Variants in PDLIM4 observed in about 807,000 individuals in gnomAD.
The protein encoded by PDLIM4 is PDZ and LIM domain protein 4.
Under a neutral mutation model 31.3 loss-of-function variants are expected in PDLIM4, and 19 were observed. The observed-to-expected ratio is 0.61, with a 90% confidence interval of 0.42 to 0.89. PDLIM4 has a LOEUF of 0.89. Ranked by LOEUF, PDLIM4 falls within the 40% of genes least tolerant of loss-of-function variation. PDLIM4 has a pLI of 0.00. For synonymous variants in PDLIM4, 176 were observed against 190.1 expected (o/e 0.93, Z 0.61); for missense variants, 442 against 461.1 (o/e 0.96, Z 0.38).
intron 1 of PDLIM4, among the ~76,000 whole-genome samples, chr5:132,260,161 G>A (rs2126670380): frequency 6.6e-6 from 1 of 152,308 alleles, no homozygotes; most frequent in South Asian, 2.1e-4. Flanking sequence ...AGGACAATGT[G>A]GCACCTGGTT....
chr5:132,263,437 G>A (rs1756419245), intron 2 of PDLIM4, among the ~76,000 whole-genome samples: 1 of 151,946 alleles, frequency 6.6e-6, no homozygotes, highest in Non-Finnish European at 1.5e-5. Flanking sequence ...AGCCAATCAA[G>A]AAGGGGAGGA....
At chr5:132,270,886 T>C in intron 3 of PDLIM4, 29 bp from the exon 4 acceptor site, 8 of 1,606,778 alleles carry the variant, frequency 5.0e-6, no homozygotes, top group Non-Finnish European at 6.8e-6. Flanking sequence ...CCAGAGGGTC[T>C]CCCAGTGCCT....
At chr5:132,267,141 T>C (rs1756508903) in intron 3 of PDLIM4, among the ~76,000 whole-genome samples, 1 of 152,166 alleles carries the variant, frequency 6.6e-6, no homozygotes, top group Admixed American at 6.5e-5. Context: ...TGCCATGGCA[T>C]AAGGAGTAGC....
Position 132,257,871 on chromosome 5 carries a change from A to G in PDLIM4, c.93+44A>G. On this transcript the variant is annotated intron_variant, in intron 1 of 6. Coordinates refer to ENST00000253754, the MANE Select transcript of PDLIM4 (RefSeq NM_003687.4). The surrounding 1 kb of genome is among the most constrained non-coding windows in gnomAD (Gnocchi z 4.3). ...TGGCGGCAGGGCGGTCCCATGTCTG[A>G]GACCGGGTTCTCGCGGTCCGCCCGG... The G allele has an allele frequency of 1.7e-6, 2 of 1,167,738 alleles. No homozygotes were observed. Among genetic ancestry groups the G allele is most frequent in the Non-Finnish European group, 2.3e-6 (2 of 860,848 alleles). The allele number at this position is 1,167,738 out of a possible 1,614,324, so 72.3% of individuals were successfully genotyped here. A position where few individuals can be genotyped will look rare whatever the true frequency, so the allele number is the denominator to read the frequency against.
chr5:132,269,380 C>T (rs1429585416), intron 3 of PDLIM4, among the ~76,000 whole-genome samples: 1 of 151,510 alleles, frequency 6.6e-6, no homozygotes, highest in Admixed American at 6.6e-5. Context: ...CATCTGGTCC[C>T]CATTAGAGGT....
chr5:132,257,813 C>G lies in PDLIM4; in HGVS notation c.79C>G (p.Leu27Val). 6.7e-7 allele frequency: 1 copy of G among 1,500,178 alleles called. No individual in the cohort carries two copies. Among genetic ancestry groups the G allele is most frequent in the Non-Finnish European group, 8.9e-7 (1 of 1,127,826 alleles). The allele number at this position is 1,500,178 out of a possible 1,614,324, so 92.9% of individuals were successfully genotyped here. The change falls in exon 1 of 7, where the codon CTC becomes GTC. Residue 27 changes from leucine (L) to valine (V), a missense_variant. Coordinates refer to ENST00000253754, the MANE Select transcript of PDLIM4 (RefSeq NM_003687.4). The surrounding 1 kb of genome is among the most constrained non-coding windows in gnomAD (Gnocchi z 4.3). ...GGGCGGCCGGGACTTCAGCGCGCCC[C>G]TCACCATCTCACGGGTGAGTCTGGC... ...LVGGRDFSAPLTISRVHAGSK... is the reference protein window; with the variant it reads ...LVGGRDFSAPVTISRVHAGSK...
intron 2 of PDLIM4, among the ~76,000 whole-genome samples, chr5:132,263,537 C>T (rs1756421487): frequency 6.6e-6 from 1 of 152,186 alleles, no homozygotes; most frequent in Admixed American, 6.5e-5. Flanking sequence ...CAGCCTTGCT[C>T]AGGTCCTGGG....
Position 132,260,438 on chromosome 5 carries a change from ACT to A in PDLIM4, c.94-2168_94-2167del, listed in dbSNP as rs142316632. The stretch of plus-strand genomic sequence containing the variant: ...CCAGCTTCCCACCCGGGTGTACAAG[ACT>A]CTGCAATATCTGATCCCTGCCTCTT... On this transcript the variant is annotated intron_variant, in intron 1 of 6. Coordinates refer to ENST00000253754, the MANE Select transcript of PDLIM4 (RefSeq NM_003687.4). Among the ~76,000 whole-genome samples, 166 of 151,396 alleles carry A rather than the reference ACT, an allele frequency of 1.1e-3. 1 individual carries two copies. The highest frequency in any genetic ancestry group is 3.9e-3 in the African/African-American group (159 of 41,162).
intron 2 of PDLIM4, among the ~76,000 whole-genome samples, chr5:132,264,075 A>C (rs1310082330): frequency 6.6e-6 from 1 of 151,964 alleles, no homozygotes; most frequent in East Asian, 1.9e-4. Flanking sequence ...CTGGCCCCTG[A>C]CTCACCTCCA....
chr5:132,266,610 G>T, intron 3 of PDLIM4, 65 bp downstream of exon 3: 1 of 1,093,980 alleles, frequency 9.1e-7, no homozygotes, highest in South Asian at 1.4e-5. Flanking sequence ...GGGCCAGCAT[G>T]CAGGTTCACC....
chr5:132,271,172 C>A, intron 4 of PDLIM4, 79 bp downstream of exon 4: 1 of 1,507,286 alleles, frequency 6.6e-7, no homozygotes, highest in Admixed American at 1.7e-5. Flanking sequence ...CAGTCCCACT[C>A]TGACCCCTGA....
chr5:132,267,424 G>A (rs1277794703), intron 3 of PDLIM4, among the ~76,000 whole-genome samples: 1 of 152,212 alleles, frequency 6.6e-6, no homozygotes, highest in South Asian at 2.1e-4. Flanking sequence ...TGCCTGGCTG[G>A]CATCCCTGGA....
intron 3 of PDLIM4, among the ~76,000 whole-genome samples, chr5:132,267,407 C>T (rs1175119058): frequency 1.3e-5 from 2 of 152,232 alleles, no homozygotes; most frequent in African/African-American, 4.8e-5. Context: ...TGCTCTATTC[C>T]CTACCCTGCC....
chr5:132,258,054 G>A (rs1489771479), intron 1 of PDLIM4, among the ~76,000 whole-genome samples: 1 of 152,212 alleles, frequency 6.6e-6, no homozygotes, highest in Non-Finnish European at 1.5e-5. Context: ...TCTCCCAAGA[G>A]TTCACGCACC....
intron 3 of PDLIM4, among the ~76,000 whole-genome samples, chr5:132,268,538 T>C (rs983672380): frequency 6.6e-6 from 1 of 152,174 alleles, no homozygotes. Flanking sequence ...AGGCCTCTTG[T>C]GGGAACACAG....
intron 3 of PDLIM4, among the ~76,000 whole-genome samples, chr5:132,267,975 A>T (rs952224291): frequency 2.6e-5 from 4 of 152,132 alleles, no homozygotes; most frequent in Admixed American, 1.3e-4. Context: ...CCTCAAGCTC[A>T]TGCATGAGGC....
At position 132,271,916 on chromosome 5, in the gene PDLIM4, A is replaced by G; in HGVS notation, c.788+8A>G. 6.3e-7 allele frequency: 1 copy of G among 1,599,740 alleles called. No homozygotes were observed. The highest frequency in any genetic ancestry group is 8.6e-7 in the Non-Finnish European group (1 of 1,169,534). On this transcript the variant is annotated splice_region_variant and intron_variant, in intron 6 of 6. Coordinates refer to ENST00000253754, the MANE Select transcript of PDLIM4 (RefSeq NM_003687.4). ...CTGCGGCCACGGCATCGTGTGAGTAACCGCCCCCGCTGCCCCTCCCGGACC... is the reference window on the plus strand; with the variant it reads ...CTGCGGCCACGGCATCGTGTGAGTAGCCGCCCCCGCTGCCCCTCCCGGACC...
Position 132,270,976 on chromosome 5 carries a change from G to C in PDLIM4, c.389G>C (p.Arg130Thr), listed in dbSNP as rs1335126808. Residue 130 changes from arginine (R) to threonine (T), a missense_variant, in exon 4 of 7, where the codon AGA becomes ACA. Transcript: ENST00000253754. ...SGTGTGPEDGRPSLGSPYGQP... is the reference protein window; with the variant it reads ...SGTGTGPEDGTPSLGSPYGQP... The stretch of plus-strand genomic sequence containing the variant: ...ACCGGGACTGGGCCAGAAGATGGCA[G>C]ACCAAGCCTGGGATCTCCATATGGA... 6.2e-7 allele frequency: 1 copy of C among 1,614,018 alleles called. No individual in the cohort carries two copies. Among genetic ancestry groups the C allele is most frequent in the African/African-American group, 1.3e-5 (1 of 74,918 alleles).
rs1026963821 is a variant in PDLIM4 at position 132,272,849 on chromosome 5, G to C, written c.*620G>C. Reference sequence around the variant, plus strand: ...GGTTTTTCTGGCATTTTCTGTTCCAGGTTTCTTCCACCCACGAGCACTTTA... The same window carrying C: ...GGTTTTTCTGGCATTTTCTGTTCCACGTTTCTTCCACCCACGAGCACTTTA... On this transcript the variant is annotated 3_prime_UTR_variant, in exon 7 of 7. Transcript: ENST00000253754. The C allele has an allele frequency of 6.5e-6, 1 of 154,262 alleles. No individual in the cohort carries two copies. The highest frequency in any genetic ancestry group is 2.4e-5 in the African/African-American group (1 of 41,414). The allele number at this position is 154,262 out of a possible 1,614,324, so 9.6% of individuals were successfully genotyped here. A position where few individuals can be genotyped will look rare whatever the true frequency, so the allele number is the denominator to read the frequency against.
Sources: allele counts gnomAD v4.1 joint callset (sites outside exome capture counted in the v4.1 genomes callset), GRCh38; gene constraint gnomAD v4.1.1; non-coding constraint Gnocchi (gnomAD v3.1); transcripts MANE v1.5; gene names NCBI Gene and HGNC (gene_info 2026-07-23, HGNC 2026-07-21).